FEZ2: variants seen among roughly 807,000 people sequenced by gnomAD.
The protein encoded by FEZ2 is fasciculation and elongation protein zeta 2, also known as fasciculation and elongation protein zeta-2.
FEZ2 carries 51 observed loss-of-function variants against 40.4 expected under a neutral mutation model. That is an observed-to-expected ratio of 1.26 (90% CI 1.01 to 1.59). FEZ2 has a LOEUF of 1.59. Among genes scored for constraint, FEZ2 ranks in the 40% most tolerant of loss-of-function variants. The probability of loss-of-function intolerance (pLI) is 0.00; values close to 1 mark genes in which losing one functional copy is unlikely to be tolerated. For synonymous variants in FEZ2, 242 were observed against 172.0 expected (o/e 1.41, Z -3.18); for missense variants, 640 against 438.3 (o/e 1.46, Z -4.11).
chr2:36,554,805 T>C (rs1667912500), intron 7 of FEZ2, among the ~76,000 whole-genome samples: 1 of 152,044 alleles, frequency 6.6e-6, no homozygotes, highest in Admixed American at 6.6e-5. Context: ...CCATCAGAGG[T>C]TTCTAATGTC....
intron 7 of FEZ2, among the ~76,000 whole-genome samples, chr2:36,553,784 ACT>A (rs984640801): frequency 6.6e-6 from 1 of 152,026 alleles, no homozygotes; most frequent in Non-Finnish European, 1.5e-5. Flanking sequence ...GCCAAGCCAC[ACT>A]CTCATCTGTG....
At chr2:36,564,672 T>C (rs1668182828) in intron 5 of FEZ2, among the ~76,000 whole-genome samples, 1 of 151,968 alleles carries the variant, frequency 6.6e-6, no homozygotes, top group African/African-American at 2.4e-5. Context: ...TGAGCTGAAA[T>C]ATGACGTATA....
intron 7 of FEZ2, among the ~76,000 whole-genome samples, chr2:36,554,005 A>G (rs1203290932): frequency 3.9e-5 from 6 of 152,046 alleles, no homozygotes; most frequent in Non-Finnish European, 8.8e-5. Context: ...ACATCTCCAC[A>G]TTGCACTCCC....
chr2:36,586,310 C>T (rs1413793074), intron 2 of FEZ2, among the ~76,000 whole-genome samples: 1 of 152,182 alleles, frequency 6.6e-6, no homozygotes, highest in Non-Finnish European at 1.5e-5. Flanking sequence ...TTTTCCCCTT[C>T]TGGCTTATAA....
intron 5 of FEZ2, among the ~76,000 whole-genome samples, chr2:36,572,226 CAG>C (rs1668438734): frequency 6.6e-6 from 1 of 152,044 alleles, no homozygotes. Context: ...ACACACAGCA[CAG>C]AGGTCTGCTG....
intron 1 of FEZ2, among the ~76,000 whole-genome samples, chr2:36,591,809 CA>C (rs1027891076): frequency 3.9e-5 from 6 of 152,092 alleles, no homozygotes; most frequent in African/African-American, 1.4e-4. Flanking sequence ...AGTCATTGGC[CA>C]GGCCCCTTAA....
intron 1 of FEZ2, among the ~76,000 whole-genome samples, chr2:36,597,561 TGCCCCAGGAGG>T (rs1669262915): frequency 1.3e-5 from 2 of 151,830 alleles, no homozygotes; most frequent in African/African-American, 4.8e-5. Flanking sequence ...CCCCAGGAGG[TGCCCCAGGAGG>T]TGCCGTCTCT....
chr2:36,566,183 A>G (rs1668232832), intron 5 of FEZ2, among the ~76,000 whole-genome samples: 1 of 152,184 alleles, frequency 6.6e-6, no homozygotes, highest in Non-Finnish European at 1.5e-5. Context: ...TACTAAAAAT[A>G]CAAAAAATTC....
At chr2:36,586,186 C>A (rs1342769185) in intron 2 of FEZ2, among the ~76,000 whole-genome samples, 2 of 152,130 alleles carry the variant, frequency 1.3e-5, no homozygotes, top group Admixed American at 1.3e-4. Flanking sequence ...CATGTCGATA[C>A]CATGGAGTAG....
intron 3 of FEZ2, among the ~76,000 whole-genome samples, chr2:36,581,940 A>C (rs1421570149): frequency 6.6e-6 from 1 of 152,176 alleles, no homozygotes; most frequent in Non-Finnish European, 1.5e-5. Context: ...ATATTCTTTC[A>C]ACAGCAGAAA....
chr2:36,577,806 GC>G (rs1668619023), intron 5 of FEZ2, among the ~76,000 whole-genome samples: 1 of 152,096 alleles, frequency 6.6e-6, no homozygotes. Context: ...TCATATTATT[GC>G]AAGCCATAAT....
At chr2:36,589,793 A>T (rs1018268729) in intron 2 of FEZ2, 44 of 152,242 alleles carry the variant, frequency 2.9e-4, no homozygotes, top group African/African-American at 8.7e-4. Flanking sequence ...CTGATCACAT[A>T]TGTAAGAAAA....
At chr2:36,572,044 A>AG (rs1668432435) in intron 5 of FEZ2, among the ~76,000 whole-genome samples, 1 of 149,198 alleles carries the variant, frequency 6.7e-6, no homozygotes, top group Non-Finnish European at 1.5e-5. Context: ...AAAAAAAAAA[A>AG]GATAAAGGGG....
chr2:36,554,613 TTA>T (rs1427790114), intron 7 of FEZ2, among the ~76,000 whole-genome samples: 1 of 152,140 alleles, frequency 6.6e-6, no homozygotes, highest in African/African-American at 2.4e-5. Context: ...GAAAAAAAGC[TTA>T]TTTTTTAAAA....
chr2:36,575,690 C>A (rs1047176090), intron 5 of FEZ2, among the ~76,000 whole-genome samples: 20 of 152,154 alleles, frequency 1.3e-4, no homozygotes, highest in African/African-American at 4.8e-4. Flanking sequence ...TTCCAATGCT[C>A]TAAATAGCAT....
chr2:36,593,200 T>C (rs1290075708), intron 1 of FEZ2, among the ~76,000 whole-genome samples: 5 of 152,174 alleles, frequency 3.3e-5, no homozygotes, highest in South Asian at 2.1e-4. Context: ...CTCAGAATCA[T>C]GGTGGGAGAC....
At chr2:36,584,269 C>A (rs140828212) in intron 2 of FEZ2, among the ~76,000 whole-genome samples, 11 of 152,306 alleles carry the variant, frequency 7.2e-5, no homozygotes, top group African/African-American at 7.2e-5. Context: ...CAGACTTCTC[C>A]CACAAGGCCA....
At chr2:36,596,867 T>C (rs910801750) in intron 1 of FEZ2, among the ~76,000 whole-genome samples, 1 of 152,098 alleles carries the variant, frequency 6.6e-6, no homozygotes, top group Admixed American at 6.5e-5. Flanking sequence ...CTATTTACCA[T>C]CTTTTGGGGG....
chr2:36,591,024 A>C lies in FEZ2; in HGVS notation c.267-13T>G. 6.8e-7 allele frequency: 1 copy of C among 1,472,770 alleles called. No individual in the cohort carries two copies. Among genetic ancestry groups the C allele is most frequent in the Non-Finnish European group, 9.5e-7 (1 of 1,051,844 alleles). 91.2% of individuals were successfully genotyped at this position (1,472,770 alleles called of 1,614,324 possible). A position where few individuals can be genotyped will look rare whatever the true frequency, so the allele number is the denominator to read the frequency against. ...GGCATTCCAAATCCTTAAAAAGAAG[A>C]AAGCTACAATCAATGAAAATTAACA... On this transcript the variant is annotated splice_polypyrimidine_tract_variant and intron_variant, in intron 1 of 7. Transcript: ENST00000405912.
Sources: allele counts gnomAD v4.1 joint callset (sites outside exome capture counted in the v4.1 genomes callset), GRCh38; gene constraint gnomAD v4.1.1; transcripts MANE v1.5; gene names NCBI Gene and HGNC (gene_info 2026-07-23, HGNC 2026-07-21).